The following LHFPL3 variants were observed in gnomAD, a reference collection of about 807,000 sequenced individuals.
LHFPL3 encodes LHFPL tetraspan subfamily member 3 protein.
A neutral mutation model predicts 19.3 loss-of-function variants in LHFPL3; 5 were observed. That is an observed-to-expected ratio of 0.26 (90% CI 0.14 to 0.54). LHFPL3 has a LOEUF of 0.54. LHFPL3 is among the 20% of genes least tolerant of loss of function. LHFPL3 has a pLI of 0.94. For synonymous variants in LHFPL3, 133 were observed against 126.2 expected (o/e 1.05, Z -0.36); for missense variants, 249 against 307.4 (o/e 0.81, Z 1.42).
intron 1 of LHFPL3, among the ~76,000 whole-genome samples, chr7:104,532,859 A>G (rs1286974063): frequency 6.6e-6 from 1 of 152,242 alleles, no homozygotes; most frequent in East Asian, 1.9e-4. Context: ...GACACACTAG[A>G]CAAAAGGATC....
At chr7:104,457,393 T>A (rs1185879865) in intron 1 of LHFPL3, among the ~76,000 whole-genome samples, 1 of 152,086 alleles carries the variant, frequency 6.6e-6, no homozygotes, top group Non-Finnish European at 1.5e-5. Context: ...CTTGTGATAG[T>A]TTACTGAGAA....
intron 2 of LHFPL3, among the ~76,000 whole-genome samples, chr7:104,747,133 C>G (rs1794061722): frequency 6.6e-6 from 1 of 152,144 alleles, no homozygotes; most frequent in Non-Finnish European, 1.5e-5. Flanking sequence ...AAAGGTTATT[C>G]CTTTACAACA....
chr7:104,752,669 G>C lies in LHFPL3; in HGVS notation c.682+15758G>C, dbSNP rs548483202. The C allele has an allele frequency of 3.7e-3, 1,368 of 371,456 alleles. 17 individuals carry two copies. The highest frequency in any genetic ancestry group is 0.024 in the African/African-American group (1,125 of 47,132). 23.0% of individuals were successfully genotyped at this position (371,456 alleles called of 1,614,324 possible). On this transcript the variant is annotated intron_variant, in intron 2 of 2. Coordinates refer to ENST00000424859, the MANE Select transcript of LHFPL3 (RefSeq NM_199000.3). Reference sequence around the variant, plus strand: ...ATATTTACTTTTAATTTTACTTTTAGTTTGCCCCATTATCACCCTAGCTTC... The same window carrying C: ...ATATTTACTTTTAATTTTACTTTTACTTTGCCCCATTATCACCCTAGCTTC...
At chr7:104,576,793 C>A (rs1275231047) in intron 1 of LHFPL3, among the ~76,000 whole-genome samples, 4 of 152,130 alleles carry the variant, frequency 2.6e-5, no homozygotes, top group Admixed American at 6.5e-5. Flanking sequence ...ATAAACAAAT[C>A]CTGGGATATG....
chr7:104,611,230 A>G (rs1791207914), intron 1 of LHFPL3, among the ~76,000 whole-genome samples: 1 of 152,200 alleles, frequency 6.6e-6, no homozygotes. Flanking sequence ...ATTTTATTTC[A>G]TCCTCACAGC....
chr7:104,858,509 C>T (rs1230139973), intron 2 of LHFPL3, among the ~76,000 whole-genome samples: 1 of 152,168 alleles, frequency 6.6e-6, no homozygotes, highest in African/African-American at 2.4e-5. Context: ...GTACCTCTTT[C>T]ATTTCTTGCA....
At chr7:104,639,310 G>A (rs898641639) in intron 1 of LHFPL3, among the ~76,000 whole-genome samples, 1 of 152,084 alleles carries the variant, frequency 6.6e-6, no homozygotes, top group Non-Finnish European at 1.5e-5. Context: ...TTGGGAGTGT[G>A]TATGTGTCCA....
At chr7:104,671,366 C>T (rs1243893690) in intron 1 of LHFPL3, among the ~76,000 whole-genome samples, 3 of 151,892 alleles carry the variant, frequency 2.0e-5, no homozygotes, top group African/African-American at 7.3e-5. Flanking sequence ...TTCCCTGTCC[C>T]CTACCTTGTC....
intron 1 of LHFPL3, among the ~76,000 whole-genome samples, chr7:104,521,853 G>C (rs1475124675): frequency 6.6e-6 from 1 of 152,156 alleles, no homozygotes; most frequent in Non-Finnish European, 1.5e-5. Context: ...TCTCACACTA[G>C]TTAGAATGGC....
intron 1 of LHFPL3, among the ~76,000 whole-genome samples, chr7:104,474,065 A>C (rs1159658127): frequency 2.6e-5 from 4 of 152,282 alleles, no homozygotes; most frequent in Non-Finnish European, 2.9e-5. Flanking sequence ...GAGTAGGAAA[A>C]TGTCCCAAGC....
chr7:104,592,061 C>T (rs900279667), intron 1 of LHFPL3, among the ~76,000 whole-genome samples: 1 of 152,154 alleles, frequency 6.6e-6, no homozygotes, highest in Non-Finnish European at 1.5e-5. Context: ...TGGGTTCGAA[C>T]ATCCTCCTTT....
intron 1 of LHFPL3, among the ~76,000 whole-genome samples, chr7:104,728,138 T>C (rs1043549045): frequency 6.6e-6 from 1 of 152,102 alleles, no homozygotes; most frequent in African/African-American, 2.4e-5. Context: ...AAATAACAAA[T>C]AACTAAAGCA....
intron 1 of LHFPL3, among the ~76,000 whole-genome samples, chr7:104,588,077 T>G (rs942351432): frequency 6.6e-6 from 1 of 152,230 alleles, no homozygotes. Flanking sequence ...GCCTGTTCAC[T>G]CTGATGGCAC....
chr7:104,820,446 G>C (rs892307933), intron 2 of LHFPL3, among the ~76,000 whole-genome samples: 3 of 152,158 alleles, frequency 2.0e-5, no homozygotes, highest in Admixed American at 6.5e-5. Flanking sequence ...TGTCAAACCA[G>C]AGGCAGAGAT....
chr7:104,556,107 G>T (rs192933922), intron 1 of LHFPL3, among the ~76,000 whole-genome samples: 24 of 152,326 alleles, frequency 1.6e-4, no homozygotes, highest in African/African-American at 5.1e-4. Context: ...TCATGGGCTG[G>T]TGTTGAGTGT....
At chr7:104,394,436 T>A (rs1272321254) in intron 1 of LHFPL3, among the ~76,000 whole-genome samples, 3 of 152,350 alleles carry the variant, frequency 2.0e-5, no homozygotes, top group African/African-American at 7.2e-5. Flanking sequence ...CCTGATTCTT[T>A]AAAAATTTTT....
chr7:104,728,579 T>A (rs532819693), intron 1 of LHFPL3, among the ~76,000 whole-genome samples: 2 of 152,328 alleles, frequency 1.3e-5, no homozygotes, highest in Admixed American at 6.5e-5. Context: ...TTTCAGTCTA[T>A]TTTTGGCCTT....
At chr7:104,555,239 CA>C (rs1184307489) in intron 1 of LHFPL3, among the ~76,000 whole-genome samples, 2 of 152,188 alleles carry the variant, frequency 1.3e-5, no homozygotes, top group Non-Finnish European at 2.9e-5. Context: ...TTAACCATCA[CA>C]AAAGGTGATT....
intron 1 of LHFPL3, among the ~76,000 whole-genome samples, chr7:104,524,226 G>T (rs1405694122): frequency 6.6e-6 from 1 of 152,142 alleles, no homozygotes; most frequent in African/African-American, 2.4e-5. Flanking sequence ...AGGATTGATG[G>T]CAAGAGAAGG....
Sources: gnomAD v4.1 joint callset for allele counts (sites outside exome capture counted in the v4.1 genomes callset) on GRCh38, gnomAD v4.1.1 for gene constraint, MANE v1.5 for transcripts, NCBI Gene and HGNC (gene_info 2026-07-23, HGNC 2026-07-21) for gene names.